The following KCNK1 variants were observed in gnomAD, a reference collection of about 807,000 sequenced individuals.
The protein encoded by KCNK1 is potassium channel subfamily K member 1.
In KCNK1, 10 loss-of-function variants were observed where a neutral mutation model predicts 22.2. That is an observed-to-expected ratio of 0.45 (90% confidence interval 0.28 to 0.76). The LOEUF (loss-of-function observed/expected upper bound fraction) is 0.76, where lower values mean the gene tolerates loss of function less well. Ranked by LOEUF, KCNK1 falls within the 30% of genes least tolerant of loss-of-function variation. The pLI is 0.14. For missense variants in KCNK1, 378 were observed against 421.0 expected, an observed-to-expected ratio of 0.90 and a Z score of 0.89; for synonymous variants, 200 against 186.4, an observed-to-expected ratio of 1.07 and a Z score of -0.60.
intron 1 of KCNK1, among the ~76,000 whole-genome samples, chr1:233,642,048 A>G (rs1658008562): frequency 6.6e-6 from 1 of 151,882 alleles, no homozygotes; most frequent in Non-Finnish European, 1.5e-5. Flanking sequence ...AGGATACCTT[A>G]TGTGTTTGTC....
chr1:233,637,982 G>C (rs923725201), intron 1 of KCNK1, among the ~76,000 whole-genome samples: 19 of 132,604 alleles, frequency 1.4e-4, no homozygotes, highest in African/African-American at 4.6e-4. Context: ...TGACAATGTC[G>C]TGGGCTGTGG....
chr1:233,655,728 CTA>C (rs1658280161), intron 1 of KCNK1: 1 of 152,912 alleles, frequency 6.5e-6, no homozygotes, highest in Non-Finnish European at 1.5e-5. Flanking sequence ...AGTGAGAAGT[CTA>C]TGAGGAAGCA....
At chr1:233,652,942 T>C (rs1456658122) in intron 1 of KCNK1, among the ~76,000 whole-genome samples, 1 of 152,206 alleles carries the variant, frequency 6.6e-6, no homozygotes, top group African/African-American at 2.4e-5. Context: ...TTCCCAGGGC[T>C]GGCCAATTCC....
chr1:233,671,561 C>G lies in KCNK1; in HGVS notation c.*31C>G. 2 of 1,612,080 alleles carry G rather than the reference C, an allele frequency of 1.2e-6. No homozygotes were observed. Among genetic ancestry groups the G allele is most frequent in the Non-Finnish European group, 1.7e-6 (2 of 1,179,058 alleles). ...GGATTTGTTGCATTATGCTAGAGCA[C>G]CAGGGTCAGGGTGCAAGGAAGAGGC... On this transcript the variant is annotated 3_prime_UTR_variant, in exon 3 of 3. Coordinates refer to ENST00000366621, the MANE Select transcript of KCNK1 (RefSeq NM_002245.4).
intron 1 of KCNK1, among the ~76,000 whole-genome samples, chr1:233,618,550 C>T (rs1657525118): frequency 6.6e-6 from 1 of 152,150 alleles, no homozygotes; most frequent in Non-Finnish European, 1.5e-5. Flanking sequence ...TTTATTCATT[C>T]CCCAAAGCAA....
In KCNK1 at chr1:233,668,766, C is replaced by T. The variant is rs530561292; in HGVS notation, c.751+1776C>T. Among the ~76,000 whole-genome samples the T allele has an allele frequency of 4.4e-3, 664 of 152,212 alleles. 3 individuals carry two copies. The highest frequency in any genetic ancestry group is 7.0e-3 in the Non-Finnish European group (478 of 68,016). On this transcript the variant is annotated intron_variant, in intron 2 of 2. Transcript: ENST00000366621. Reference sequence around the variant, plus strand: ...GATTATAGGCACCTGCCACCACATCCGGCTAATTTTTTGTATTTTTAGTAG... The same window carrying T: ...GATTATAGGCACCTGCCACCACATCTGGCTAATTTTTTGTATTTTTAGTAG...
At chr1:233,644,569 G>A (rs1415534063) in intron 1 of KCNK1, among the ~76,000 whole-genome samples, 4 of 152,184 alleles carry the variant, frequency 2.6e-5, no homozygotes, top group Admixed American at 2.6e-4. Flanking sequence ...GCTATTATAG[G>A]AAGGGTGACC....
chr1:233,657,699 A>G (rs1658323219), intron 1 of KCNK1, among the ~76,000 whole-genome samples: 1 of 146,614 alleles, frequency 6.8e-6, no homozygotes. Flanking sequence ...AGAAAGAAAG[A>G]GAAATAAAGA....
At chr1:233,639,148 A>G (rs1023641517) in intron 1 of KCNK1, among the ~76,000 whole-genome samples, 2 of 152,198 alleles carry the variant, frequency 1.3e-5, no homozygotes, top group Non-Finnish European at 2.9e-5. Context: ...CTGAATTAGG[A>G]CAAAGTCCAA....
chr1:233,662,223 G>GCTT (rs982120531), intron 1 of KCNK1, among the ~76,000 whole-genome samples: 2 of 147,012 alleles, frequency 1.4e-5, no homozygotes, highest in South Asian at 4.4e-4. Context: ...TGCTGCTGCT[G>GCTT]CTTCTTCTTC....
At chr1:233,618,766 T>C (rs542518) in intron 1 of KCNK1, among the ~76,000 whole-genome samples, 109,292 of 151,838 alleles carry the variant, frequency 0.72, 40,675 homozygotes, top group African/African-American at 0.9. Context: ...CACCTGTAGT[T>C]CCAGCTACTC....
At chr1:233,664,898 T>TAA (rs35436626) in intron 1 of KCNK1, among the ~76,000 whole-genome samples, 3 of 152,040 alleles carry the variant, frequency 2.0e-5, no homozygotes, top group Non-Finnish European at 4.4e-5. Context: ...CAATTTCATT[T>TAA]AAAAAAAATG....
At chr1:233,634,939 T>C (rs1032688695) in intron 1 of KCNK1, among the ~76,000 whole-genome samples, 3 of 152,210 alleles carry the variant, frequency 2.0e-5, no homozygotes, top group Non-Finnish European at 4.4e-5. Context: ...CCAAGTTAAA[T>C]TGATATATAT....
intron 1 of KCNK1, among the ~76,000 whole-genome samples, chr1:233,620,517 T>C (rs1331685418): frequency 1.3e-5 from 2 of 152,228 alleles, no homozygotes; most frequent in Non-Finnish European, 2.9e-5. Context: ...GCTTTTTTTT[T>C]CCTTTAATGA....
At chr1:233,642,186 G>A (rs1658011327) in intron 1 of KCNK1, among the ~76,000 whole-genome samples, 1 of 152,136 alleles carries the variant, frequency 6.6e-6, no homozygotes, top group African/African-American at 2.4e-5. Flanking sequence ...CTCACTCTAG[G>A]TTTGACCTCA....
chr1:233,658,492 C>A (rs1035968758), intron 1 of KCNK1, among the ~76,000 whole-genome samples: 1 of 152,102 alleles, frequency 6.6e-6, no homozygotes, highest in African/African-American at 2.4e-5. Flanking sequence ...AATCATCTAA[C>A]AAAAACAGTT....
intron 1 of KCNK1, among the ~76,000 whole-genome samples, chr1:233,633,168 C>T (rs1046750241): frequency 4.6e-5 from 7 of 150,540 alleles, no homozygotes; most frequent in African/African-American, 1.7e-4. Context: ...AGGTTACAAG[C>T]AATACTGGTT....
chr1:233,669,660 A>C (rs1253535073), intron 2 of KCNK1, among the ~76,000 whole-genome samples: 1 of 152,198 alleles, frequency 6.6e-6, no homozygotes, highest in East Asian at 1.9e-4. Context: ...CAACCTGGCC[A>C]ATATGGTGAA....
At chr1:233,627,638 G>A (rs915929142) in intron 1 of KCNK1, among the ~76,000 whole-genome samples, 4 of 152,144 alleles carry the variant, frequency 2.6e-5, no homozygotes, top group African/African-American at 9.7e-5. Context: ...GTGCGGATGA[G>A]CTGAGCCGTT....
Sources: allele counts gnomAD v4.1 joint callset (sites outside exome capture counted in the v4.1 genomes callset), GRCh38; gene constraint gnomAD v4.1.1; transcripts MANE v1.5; gene names NCBI Gene and HGNC (gene_info 2026-07-23, HGNC 2026-07-21).